Variants in IL1RAPL1 observed in about 807,000 individuals in gnomAD.
The protein encoded by IL1RAPL1 is interleukin-1 receptor accessory protein-like 1.
In IL1RAPL1, 3 loss-of-function variants were observed where a neutral mutation model predicts 48.4. That is an observed-to-expected ratio of 0.06 (90% CI 0.03 to 0.16). The LOEUF is 0.16. IL1RAPL1 is among the 10% of genes least tolerant of loss of function. The pLI, the probability that IL1RAPL1 is intolerant of heterozygous loss-of-function variation, is 1.00. For missense variants in IL1RAPL1, 349 were observed against 530.6 expected (o/e 0.66, Z 3.36); for synonymous variants, 185 against 187.7 (o/e 0.99, Z 0.12).
chrX:29,220,277 A>C (rs182634289), intron 2 of IL1RAPL1, among the ~76,000 whole-genome samples: 352 of 112,413 alleles, frequency 3.1e-3, no homozygotes, highest in African/African-American at 0.011. Context: ...ATTTGACATA[A>C]TAATTCACCA....
intron 6 of IL1RAPL1, among the ~76,000 whole-genome samples, chrX:29,755,652 G>T: frequency 8.9e-6 from 1 of 112,253 alleles, no homozygotes; most frequent in Admixed American, 9.5e-5. Flanking sequence ...AATAATAATT[G>T]TTTAAAGTAA....
At chrX:28,632,161 T>C (rs896796473) in intron 1 of IL1RAPL1, among the ~76,000 whole-genome samples, 3 of 112,030 alleles carry the variant, frequency 2.7e-5, no homozygotes, top group Non-Finnish European at 5.6e-5. Context: ...TTTTGGAGTC[T>C]AGAAACCCAC....
At chrX:29,358,401 G>A (rs988319025) in intron 3 of IL1RAPL1, among the ~76,000 whole-genome samples, 4 of 109,727 alleles carry the variant, frequency 3.6e-5, no homozygotes, top group South Asian at 3.9e-4. Flanking sequence ...CTCTCTCTAC[G>A]CACCCACCCC....
At chrX:29,899,383 G>A (rs1601872862) in intron 6 of IL1RAPL1, among the ~76,000 whole-genome samples, 1 of 110,921 alleles carries the variant, frequency 9.0e-6, no homozygotes, top group East Asian at 2.8e-4. Context: ...CAGAATACCA[G>A]GATTAGTTTC....
chrX:29,708,022 C>T (rs1927247296), intron 6 of IL1RAPL1, among the ~76,000 whole-genome samples: 1 of 110,075 alleles, frequency 9.1e-6, no homozygotes, highest in African/African-American at 3.3e-5. Flanking sequence ...AATATACTCA[C>T]ATATATTTTA....
At chrX:28,883,837 A>G (rs551769850) in intron 2 of IL1RAPL1, among the ~76,000 whole-genome samples, 2 of 112,442 alleles carry the variant, frequency 1.8e-5, no homozygotes, top group African/African-American at 3.2e-5. Flanking sequence ...AACTGATAGC[A>G]TTCCTTGGAA....
rs186972004 is a variant in IL1RAPL1 at position 28,673,911 on chromosome X, C to T, written c.-25+85864C>T. Among the ~76,000 whole-genome samples the T allele has an allele frequency of 3.7e-3, 412 of 111,648 alleles. 4 individuals are homozygous for T. Among genetic ancestry groups the T allele is most frequent in the African/African-American group, 0.013 (392 of 30,712 alleles). On this transcript the variant is annotated intron_variant, in intron 1 of 10. Coordinates refer to ENST00000378993, the MANE Select transcript of IL1RAPL1 (RefSeq NM_014271.4). The stretch of plus-strand genomic sequence containing the variant: ...TGAAAGCCCTGTGTATGGTCACAGG[C>T]TTTGAAATGTGTGATGAATCTGCAT...
intron 2 of IL1RAPL1, among the ~76,000 whole-genome samples, chrX:29,123,299 G>C (rs1215224751): frequency 3.6e-5 from 4 of 111,210 alleles, no homozygotes; most frequent in Non-Finnish European, 5.7e-5. Flanking sequence ...CAAAGTGTTG[G>C]GATTACACCC....
chrX:29,907,806 A>G (rs1374898752), intron 6 of IL1RAPL1, among the ~76,000 whole-genome samples: 1 of 110,308 alleles, frequency 9.1e-6, no homozygotes, highest in Non-Finnish European at 1.9e-5. Flanking sequence ...TTTTATTAGC[A>G]TTAGCATTAC....
At chrX:28,723,639 T>C (rs1935623700) in intron 1 of IL1RAPL1, among the ~76,000 whole-genome samples, 1 of 111,761 alleles carries the variant, frequency 8.9e-6, no homozygotes, top group Non-Finnish European at 1.9e-5. Context: ...CTGCTAGCTC[T>C]TGAATGTGTT....
chrX:29,140,452 T>C (rs912608543), intron 2 of IL1RAPL1, among the ~76,000 whole-genome samples: 1 of 112,027 alleles, frequency 8.9e-6, no homozygotes, highest in Non-Finnish European at 1.9e-5. Flanking sequence ...GTGAGGAATA[T>C]AGCAAAATAT....
At chrX:29,907,662 C>G (rs986216684) in intron 6 of IL1RAPL1, among the ~76,000 whole-genome samples, 1 of 111,644 alleles carries the variant, frequency 9.0e-6, no homozygotes, top group African/African-American at 3.3e-5. Context: ...ATACATTTTG[C>G]TCTTTGTTTA....
At chrX:29,690,312 G>A (rs902202481) in intron 6 of IL1RAPL1, among the ~76,000 whole-genome samples, 2 of 111,916 alleles carry the variant, frequency 1.8e-5, no homozygotes, top group African/African-American at 6.5e-5. Context: ...TGAGGTATTC[G>A]GGCTGGACTT....
intron 6 of IL1RAPL1, among the ~76,000 whole-genome samples, chrX:29,759,690 C>T (rs1046165291): frequency 1.8e-5 from 2 of 111,834 alleles, no homozygotes; most frequent in African/African-American, 6.5e-5. Flanking sequence ...TGAATAAAAG[C>T]TTACTTTCCT....
chrX:28,877,363 C>T (rs1363592254), intron 2 of IL1RAPL1, among the ~76,000 whole-genome samples: 3 of 112,633 alleles, frequency 2.7e-5, no homozygotes, highest in African/African-American at 9.7e-5. Flanking sequence ...TTCTGGTTCA[C>T]TTCTTATGTG....
At chrX:29,173,864 A>G (rs1431968694) in intron 2 of IL1RAPL1, among the ~76,000 whole-genome samples, 1 of 111,733 alleles carries the variant, frequency 8.9e-6, no homozygotes, top group Non-Finnish European at 1.9e-5. Context: ...ATGCTTCCAT[A>G]TATGTATTAA....
chrX:29,256,965 G>A (rs1006908970), intron 2 of IL1RAPL1, among the ~76,000 whole-genome samples: 1 of 111,125 alleles, frequency 9.0e-6, no homozygotes, highest in African/African-American at 3.3e-5. Flanking sequence ...TTGTGTATTT[G>A]AATTTGTAAT....
chrX:29,336,913 G>C (rs188290616), intron 3 of IL1RAPL1, among the ~76,000 whole-genome samples: 115 of 111,265 alleles, frequency 1.0e-3, no homozygotes, highest in Middle Eastern at 4.6e-3. Context: ...GGGGAGAGGA[G>C]TTCTAGTTTC....
chrX:29,845,890 G>A (rs1203608462), intron 6 of IL1RAPL1, among the ~76,000 whole-genome samples: 1 of 110,355 alleles, frequency 9.1e-6, no homozygotes, highest in Non-Finnish European at 1.9e-5. Flanking sequence ...GAGAGCAAGG[G>A]GGGAGGTGCC....
Sources: gnomAD v4.1 joint callset for allele counts (sites outside exome capture counted in the v4.1 genomes callset) on GRCh38, gnomAD v4.1.1 for gene constraint, MANE v1.5 for transcripts, NCBI Gene and HGNC (gene_info 2026-07-23, HGNC 2026-07-21) for gene names.